The following RAP1A variants were observed in gnomAD, a reference collection of about 807,000 sequenced individuals.
The protein encoded by RAP1A is ras-related protein Rap-1A.
A neutral mutation model predicts 26.4 loss-of-function variants in RAP1A; 6 were observed. That is an observed-to-expected ratio of 0.23 (90% CI 0.12 to 0.45). The LOEUF (loss-of-function observed/expected upper bound fraction) is 0.45, where lower values mean the gene tolerates loss of function less well. Among genes scored for constraint, RAP1A ranks in the 20% least tolerant of loss-of-function variants. The pLI, the probability that RAP1A is intolerant of heterozygous loss-of-function variation, is 0.99. For synonymous variants in RAP1A, 73 were observed against 79.4 expected, an observed-to-expected ratio of 0.92 and a Z score of 0.43; for missense variants, 121 against 217.2, an observed-to-expected ratio of 0.56 and a Z score of 2.78.
chr1:111,580,418 G>A (rs908673552), intron 1 of RAP1A, among the ~76,000 whole-genome samples: 2 of 152,226 alleles, frequency 1.3e-5, no homozygotes, highest in African/African-American at 2.4e-5. Context: ...AGGCACACAC[G>A]TGGATGTATA....
intron 4 of RAP1A, among the ~76,000 whole-genome samples, chr1:111,702,527 G>A (rs1191465425): frequency 6.6e-6 from 1 of 151,792 alleles, no homozygotes; most frequent in Non-Finnish European, 1.5e-5. Flanking sequence ...CTTTTCTAAA[G>A]GTTTGGAATG....
At chr1:111,556,069 GACA>G (rs1657480862) in intron 1 of RAP1A, among the ~76,000 whole-genome samples, 1 of 152,110 alleles carries the variant, frequency 6.6e-6, no homozygotes, top group Non-Finnish European at 1.5e-5. Flanking sequence ...ACTCAACAAT[GACA>G]ACAACAAAAT....
chr1:111,703,311 T>C (rs1662081360), intron 4 of RAP1A, 25 bp from the exon 5 acceptor site: 3 of 1,440,960 alleles, frequency 2.1e-6, no homozygotes, highest in Non-Finnish European at 1.9e-6. Context: ...TATATATTTA[T>C]AATTGCATAT....
At chr1:111,672,420 T>G (rs77670205) in intron 1 of RAP1A, among the ~76,000 whole-genome samples, 3,300 of 152,306 alleles carry the variant, frequency 0.022, 103 homozygotes, top group African/African-American at 0.075. Flanking sequence ...GGTATAAAAT[T>G]AGGGAGTAGC....
chr1:111,709,232 C>T lies in RAP1A; in HGVS notation c.552C>T (p.Leu184=), dbSNP rs147771787. ...KKPKKKSCLL[L] is the part of the protein sequence containing the mutation. ...CTAAAAAGAAATCATGTCTGCTGCT[C>T]TAGGCCCATAGTCAGCAGCAGCTCT... Residue 184 remains leucine (L), a synonymous_variant, in exon 7 of 8, where the codon CTC becomes CTT. Transcript: ENST00000369709. 6.8e-4 allele frequency: 1,102 copies of T among 1,610,554 alleles called. 7 individuals carry two copies. The highest frequency in any genetic ancestry group is 6.0e-4 in the South Asian group (54 of 90,500).
intron 1 of RAP1A, among the ~76,000 whole-genome samples, chr1:111,638,519 C>T (rs1437576614): frequency 1.3e-5 from 2 of 152,050 alleles, no homozygotes; most frequent in African/African-American, 4.8e-5. Context: ...ACGGCTTATC[C>T]ACTCAGGTGA....
At chr1:111,636,974 A>G (rs1012843402) in intron 1 of RAP1A, among the ~76,000 whole-genome samples, 1 of 152,184 alleles carries the variant, frequency 6.6e-6, no homozygotes, top group Non-Finnish European at 1.5e-5. Context: ...GCTTCATTTA[A>G]TAAAAGCTAC....
chr1:111,680,303 G>A (rs992874727), intron 1 of RAP1A, among the ~76,000 whole-genome samples: 4 of 152,200 alleles, frequency 2.6e-5, no homozygotes, highest in Non-Finnish European at 2.9e-5. Context: ...AGCGGGTTGC[G>A]ACTGCTGGCT....
chr1:111,617,116 G>A (rs1659028324), upstream of RAP1A, among the ~76,000 whole-genome samples: 1 of 152,164 alleles, frequency 6.6e-6, no homozygotes, highest in Admixed American at 6.5e-5. Flanking sequence ...TCCTGGTGGA[G>A]CAATCAGAAA....
intron 1 of RAP1A, among the ~76,000 whole-genome samples, chr1:111,565,086 A>G (rs1657887865): frequency 6.6e-6 from 1 of 152,154 alleles, no homozygotes; most frequent in Admixed American, 6.5e-5. Flanking sequence ...AGCGAAGCCA[A>G]TTGGCCCTCA....
chr1:111,678,140 T>C (rs1368853147), intron 1 of RAP1A, among the ~76,000 whole-genome samples: 2 of 152,222 alleles, frequency 1.3e-5, no homozygotes, highest in African/African-American at 4.8e-5. Flanking sequence ...TTCATATAAG[T>C]TTTAAAGTTA....
At chr1:111,682,286 A>G (rs1661323586) in intron 1 of RAP1A, among the ~76,000 whole-genome samples, 1 of 152,208 alleles carries the variant, frequency 6.6e-6, no homozygotes, top group African/African-American at 2.4e-5. Flanking sequence ...AACTGCATCA[A>G]CTAATGTGCA....
chr1:111,562,298 T>C (rs548155880), intron 1 of RAP1A, among the ~76,000 whole-genome samples: 2 of 152,348 alleles, frequency 1.3e-5, no homozygotes, highest in South Asian at 2.1e-4. Flanking sequence ...AATACAGTTA[T>C]GTGTCTGTTT....
In RAP1A at chr1:111,648,264, A is replaced by G. The variant is rs995899513; in HGVS notation, c.-28+28330A>G. On this transcript the variant is annotated intron_variant, in intron 1 of 7. Coordinates refer to ENST00000369709, the MANE Select transcript of RAP1A (RefSeq NM_002884.4). ...CTTTTTATTGGCTTCCTGCTCCCCAAAGGGTACCCTGCTTCTGCTGGCTTA... is the reference window on the plus strand; with the variant it reads ...CTTTTTATTGGCTTCCTGCTCCCCAGAGGGTACCCTGCTTCTGCTGGCTTA... 5.7e-5 allele frequency: 49 copies of G among 866,614 alleles called. No homozygotes were observed. The Admixed American group carries it at 9.3e-4, about 17-fold the overall frequency. 53.7% of individuals were successfully genotyped at this position (866,614 alleles called of 1,614,324 possible). A position where few individuals can be genotyped will look rare whatever the true frequency, so the allele number is the denominator to read the frequency against.
chr1:111,629,529 G>A (rs1020313859), intron 1 of RAP1A, among the ~76,000 whole-genome samples: 1 of 152,120 alleles, frequency 6.6e-6, no homozygotes, highest in African/African-American at 2.4e-5. Context: ...CTTATAAGGT[G>A]TTTGCATTTT....
chr1:111,703,562 T>G (rs191212553), intron 5 of RAP1A, 86 bp downstream of exon 5: 1 of 1,268,186 alleles, frequency 7.9e-7, no homozygotes, highest in African/African-American at 1.5e-5. Context: ...TAGTAGAGGA[T>G]TTGGAAGCTA....
At chr1:111,659,324 A>G (rs1660559567) in intron 1 of RAP1A, among the ~76,000 whole-genome samples, 1 of 152,198 alleles carries the variant, frequency 6.6e-6, no homozygotes, top group Non-Finnish European at 1.5e-5. Flanking sequence ...TACTTTATTA[A>G]AAGTTATGTG....
intron 1 of RAP1A, chr1:111,608,873 C>T (rs1453133051): frequency 6.6e-6 from 1 of 152,134 alleles, no homozygotes; most frequent in African/African-American, 2.4e-5. Context: ...TTCGGCTCGG[C>T]ATCGGGAGAG....
chr1:111,636,349 A>G (rs1295064758), intron 1 of RAP1A, among the ~76,000 whole-genome samples: 1 of 152,140 alleles, frequency 6.6e-6, no homozygotes, highest in Non-Finnish European at 1.5e-5. Context: ...ACACTATGGC[A>G]ATAAAGTAAG....
Sources: gnomAD v4.1 joint callset for allele counts (sites outside exome capture counted in the v4.1 genomes callset) on GRCh38, gnomAD v4.1.1 for gene constraint, MANE v1.5 for transcripts, NCBI Gene and HGNC (gene_info 2026-07-23, HGNC 2026-07-21) for gene names.